Variants in ARHGAP44 observed in about 807,000 individuals in gnomAD.
ARHGAP44 encodes the protein rho GTPase-activating protein 44.
In ARHGAP44, 43 loss-of-function variants were observed where a neutral mutation model predicts 106.8. The ratio of observed to expected loss-of-function variants is 0.40; its 90% CI spans 0.32 to 0.52. The LOEUF (loss-of-function observed/expected upper bound fraction) is 0.52, where lower values mean the gene tolerates loss of function less well. Ranked by LOEUF, ARHGAP44 falls within the 20% of genes least tolerant of loss-of-function variation. ARHGAP44 has a pLI of 0.48. For missense variants in ARHGAP44, 866 were observed against 1,050.5 expected, an observed-to-expected ratio of 0.82 and a Z score of 2.43; for synonymous variants, 439 against 410.3, an observed-to-expected ratio of 1.07 and a Z score of -0.85.
chr17:12,791,041 G>C (rs1287355332), intron 1 of ARHGAP44, among the ~76,000 whole-genome samples: 1 of 152,142 alleles, frequency 6.6e-6, no homozygotes, highest in South Asian at 2.1e-4. Flanking sequence ...GGTAGGATGG[G>C]GGTGGGGACA....
intron 1 of ARHGAP44, among the ~76,000 whole-genome samples, chr17:12,871,321 C>T (rs1222787380): frequency 1.3e-5 from 2 of 152,088 alleles, no homozygotes; most frequent in Admixed American, 6.6e-5. Flanking sequence ...TTCGCACCAT[C>T]CCCCTTGGTA....
chr17:12,954,066 T>G (rs536941751), intron 13 of ARHGAP44, among the ~76,000 whole-genome samples: 11 of 151,196 alleles, frequency 7.3e-5, no homozygotes, highest in African/African-American at 2.4e-4. Flanking sequence ...TTTTGTGTTT[T>G]TTTTTTTTTT....
rs902513569 is a variant in ARHGAP44, at chr17:12,949,904, A to G, written c.1055+174A>G. 6.6e-6 allele frequency among the ~76,000 whole-genome samples: 1 copy of G among 152,216 alleles called. No individual in the cohort carries two copies. The highest frequency in any genetic ancestry group is 2.4e-5 in the African/African-American group (1 of 41,446). On this transcript the variant is annotated intron_variant, in intron 12 of 20. Transcript: ENST00000379672. The surrounding 1 kb of genome is among the most constrained non-coding windows in gnomAD (Gnocchi z 4.1). The stretch of plus-strand genomic sequence containing the variant: ...CAGGTCCAGGGATATTGATGGTAGC[A>G]TTATCTGAGATAGCAGAAGCCTAGA...
intron 7 of ARHGAP44, among the ~76,000 whole-genome samples, chr17:12,939,447 A>T (rs1001917752): frequency 6.6e-6 from 1 of 151,990 alleles, no homozygotes; most frequent in African/African-American, 2.4e-5. Flanking sequence ...GACCCAGTGA[A>T]TGTTAACTTC....
Position 12,915,997 on chromosome 17 carries a change from T to G in ARHGAP44, c.373T>G (p.Phe125Val). The change falls in exon 5 of 21, where the codon TTT (phenylalanine) becomes GTT (valine). Residue 125 changes from phenylalanine to valine, a missense_variant. Transcript: ENST00000379672. ...AGAGAGAGACGTGATTGAGCCCCTG[T>G]TTTTGCTGGCGGAGGTAAGCAGCAG... Reference protein sequence around the residue: ...QVERDVIEPLFLLAEVEIPNI... With the variant: ...QVERDVIEPLVLLAEVEIPNI... 1 of 1,613,692 alleles carries G rather than the reference T, an allele frequency of 6.2e-7. No individual in the cohort carries two copies. The highest frequency in any genetic ancestry group is 8.5e-7 in the Non-Finnish European group (1 of 1,179,750).
chr17:12,891,957 G>A (rs999345107), intron 1 of ARHGAP44, among the ~76,000 whole-genome samples: 13 of 133,056 alleles, frequency 9.8e-5, no homozygotes, highest in Admixed American at 3.1e-4. Flanking sequence ...CACCACGCCC[G>A]GCTAATTTTT....
chr17:12,828,636 C>CTTTTTTT (rs34860101), intron 1 of ARHGAP44, among the ~76,000 whole-genome samples: 12 of 93,264 alleles, frequency 1.3e-4, no homozygotes, highest in East Asian at 3.1e-4. Flanking sequence ...TTTTTTCTTT[C>CTTTTTTT]TTTTTTTTTT....
chr17:12,863,831 C>G (rs113047079), intron 1 of ARHGAP44, among the ~76,000 whole-genome samples: 1 of 152,198 alleles, frequency 6.6e-6, no homozygotes. Flanking sequence ...TTGGACAGGG[C>G]TCAGAGAACA....
intron 16 of ARHGAP44, among the ~76,000 whole-genome samples, chr17:12,970,381 A>G (rs1364820947): frequency 5.7e-5 from 8 of 141,162 alleles, no homozygotes; most frequent in South Asian, 2.2e-4. Context: ...AAAAAAAAAA[A>G]AAAAAAAGAA....
chr17:12,874,703 G>T (rs2036500699), intron 1 of ARHGAP44, among the ~76,000 whole-genome samples: 1 of 150,670 alleles, frequency 6.6e-6, no homozygotes, highest in African/African-American at 2.5e-5. Context: ...CTGCACTCTA[G>T]CCTGGGTAAG....
At chr17:12,923,458 C>T (rs1366292599) in intron 6 of ARHGAP44, among the ~76,000 whole-genome samples, 1 of 152,168 alleles carries the variant, frequency 6.6e-6, no homozygotes, top group Non-Finnish European at 1.5e-5. Context: ...TCAGGTAGAT[C>T]CGTCTGCCTC....
intron 7 of ARHGAP44, among the ~76,000 whole-genome samples, chr17:12,935,030 A>G (rs2038505371): frequency 6.6e-6 from 1 of 152,182 alleles, no homozygotes; most frequent in South Asian, 2.1e-4. Flanking sequence ...CTGTGGCAGC[A>G]GCCCCACAGG....
chr17:12,895,383 T>C (rs1284648371), intron 2 of ARHGAP44, among the ~76,000 whole-genome samples: 1 of 152,156 alleles, frequency 6.6e-6, no homozygotes, highest in Non-Finnish European at 1.5e-5. Flanking sequence ...CCCCTCCAGT[T>C]CTCCAGCATT....
intron 1 of ARHGAP44, among the ~76,000 whole-genome samples, chr17:12,823,051 A>G (rs760562602): frequency 1.3e-5 from 2 of 152,120 alleles, no homozygotes; most frequent in South Asian, 2.1e-4. Flanking sequence ...TATAGGGTAT[A>G]TTGTATCTGG....
At chr17:12,877,052 G>A (rs2036579679) in intron 1 of ARHGAP44, among the ~76,000 whole-genome samples, 1 of 152,152 alleles carries the variant, frequency 6.6e-6, no homozygotes, top group African/African-American at 2.4e-5. Context: ...GGATTTGACA[G>A]TTTTGTCAGT....
intron 1 of ARHGAP44, among the ~76,000 whole-genome samples, chr17:12,883,161 G>A (rs1390429943): frequency 7.2e-6 from 1 of 139,094 alleles, no homozygotes; most frequent in East Asian, 2.2e-4. Context: ...TTTCTAAATG[G>A]CCATTTTGTC....
At chr17:12,828,636 C>CTTTTTTTTTTTTTTTTTTTTTTT (rs34860101) in intron 1 of ARHGAP44, among the ~76,000 whole-genome samples, 1 of 93,234 alleles carries the variant, frequency 1.1e-5, no homozygotes, top group Non-Finnish European at 2.0e-5. Context: ...TTTTTTCTTT[C>CTTTTTTTTTTTTTTTTTTTTTTT]TTTTTTTTTT....
intron 1 of ARHGAP44, among the ~76,000 whole-genome samples, chr17:12,865,421 T>C (rs1241394739): frequency 3.3e-5 from 5 of 152,202 alleles, no homozygotes; most frequent in African/African-American, 9.7e-5. Flanking sequence ...ACTTGTGTAA[T>C]TTCACTGGGG....
chr17:12,826,666 G>A (rs1333279738), intron 1 of ARHGAP44, among the ~76,000 whole-genome samples: 2 of 152,140 alleles, frequency 1.3e-5, no homozygotes, highest in Admixed American at 6.5e-5. Flanking sequence ...TGTCACTGGT[G>A]CCAGACACCA....
Sources: allele counts gnomAD v4.1 joint callset (sites outside exome capture counted in the v4.1 genomes callset), GRCh38; gene constraint gnomAD v4.1.1; non-coding constraint Gnocchi (gnomAD v3.1); transcripts MANE v1.5; gene names NCBI Gene and HGNC (gene_info 2026-07-23, HGNC 2026-07-21).